MCCC2: variants seen among roughly 807,000 people sequenced by gnomAD.
The protein encoded by MCCC2 is methylcrotonyl-CoA carboxylase subunit 2.
Under a neutral mutation model 77.2 loss-of-function variants are expected in MCCC2, and 52 were observed. The ratio of observed to expected loss-of-function variants is 0.67; its 90% CI spans 0.54 to 0.85. The LOEUF (loss-of-function observed/expected upper bound fraction) is 0.85. Ranked by LOEUF, MCCC2 falls within the 40% of genes least tolerant of loss-of-function variation. The pLI, the probability that MCCC2 is intolerant of heterozygous loss-of-function variation, is 0.00. For synonymous variants in MCCC2, 253 were observed against 248.4 expected, an observed-to-expected ratio of 1.02 and a Z score of -0.18; for missense variants, 682 against 703.2, an observed-to-expected ratio of 0.97 and a Z score of 0.34.
At chr5:71,650,867 T>G (rs1227101005) in intron 15 of MCCC2, among the ~76,000 whole-genome samples, 1 of 152,182 alleles carries the variant, frequency 6.6e-6, no homozygotes, top group African/African-American at 2.4e-5. Flanking sequence ...GCCAGGATGG[T>G]CTCGATCTCC....
chr5:71,603,293 G>A (rs931673993), intron 5 of MCCC2, among the ~76,000 whole-genome samples: 3 of 151,812 alleles, frequency 2.0e-5, no homozygotes, highest in African/African-American at 7.3e-5. Context: ...GCAGGCAGCT[G>A]TAGTCCCAGC....
intron 6 of MCCC2, among the ~76,000 whole-genome samples, chr5:71,611,852 T>C (rs1745960543): frequency 2.0e-5 from 3 of 151,366 alleles, no homozygotes; most frequent in South Asian, 4.2e-4. Flanking sequence ...GCAGTGGTGC[T>C]ACCTCGGCTC....
intron 6 of MCCC2, among the ~76,000 whole-genome samples, chr5:71,605,515 C>T (rs893105805): frequency 2.1e-4 from 32 of 150,940 alleles, no homozygotes; most frequent in African/African-American, 7.8e-4. Context: ...AAATTTTCTC[C>T]CATTTTGTAG....
At chr5:71,611,272 A>G (rs1745932084) in intron 6 of MCCC2, among the ~76,000 whole-genome samples, 1 of 152,110 alleles carries the variant, frequency 6.6e-6, no homozygotes, top group Non-Finnish European at 1.5e-5. Flanking sequence ...GTGGTGTGGC[A>G]CATGCCTATG....
chr5:71,602,790 G>C (rs780758858), intron 5 of MCCC2, 157 bp downstream of exon 5: 117 of 1,101,478 alleles, frequency 1.1e-4, no homozygotes, highest in Admixed American at 1.6e-4. Context: ...TGAAAACTCT[G>C]GGGGAAAGTA....
chr5:71,628,499 A>G (rs1202705594), intron 7 of MCCC2, among the ~76,000 whole-genome samples: 2 of 152,040 alleles, frequency 1.3e-5, no homozygotes, highest in East Asian at 3.9e-4. Flanking sequence ...TTCTTCTGAG[A>G]GTCTTATAAT....
intron 6 of MCCC2, among the ~76,000 whole-genome samples, chr5:71,623,316 C>T (rs766666058): frequency 6.6e-6 from 1 of 152,298 alleles, no homozygotes. Flanking sequence ...GGGTCTCTCA[C>T]GTGGCTGCAG....
intron 6 of MCCC2, among the ~76,000 whole-genome samples, chr5:71,619,379 A>G (rs1228655830): frequency 1.3e-5 from 2 of 151,744 alleles, no homozygotes; most frequent in Non-Finnish European, 2.9e-5. Flanking sequence ...TCAGCCTCCC[A>G]AGTGGTTGGG....
At chr5:71,610,011 C>T (rs1745860787) in intron 6 of MCCC2, among the ~76,000 whole-genome samples, 1 of 152,222 alleles carries the variant, frequency 6.6e-6, no homozygotes, top group Non-Finnish European at 1.5e-5. Context: ...GAGGTTACTG[C>T]TGTCTTTTTG....
chr5:71,639,065 C>G (rs960483293), intron 10 of MCCC2, among the ~76,000 whole-genome samples: 1 of 152,180 alleles, frequency 6.6e-6, no homozygotes, highest in Non-Finnish European at 1.5e-5. Flanking sequence ...GCCACAAATA[C>G]GTATGCTGTC....
intron 3 of MCCC2, 37 bp downstream of exon 3, chr5:71,596,401 C>A: frequency 6.6e-7 from 1 of 1,518,916 alleles, no homozygotes; most frequent in South Asian, 1.1e-5. Flanking sequence ...AGAGTGTTCT[C>A]TGTTCCATAG....
At chr5:71,604,502 T>C (rs778513104) in intron 6 of MCCC2, 34 bp downstream of exon 6, 4 of 1,487,548 alleles carry the variant, frequency 2.7e-6, no homozygotes, top group Non-Finnish European at 3.8e-6. Context: ...ACAGTGGTGC[T>C]TTTTACTCTT....
At chr5:71,605,563 G>A (rs1375617563) in intron 6 of MCCC2, among the ~76,000 whole-genome samples, 1 of 149,864 alleles carries the variant, frequency 6.7e-6, no homozygotes, top group Non-Finnish European at 1.5e-5. Flanking sequence ...CTTTTGCTGT[G>A]CAGAAGCTCT....
chr5:71,626,506 T>C, intron 6 of MCCC2, 134 bp from the exon 7 acceptor site: 1 of 699,724 alleles, frequency 1.4e-6, no homozygotes, highest in Non-Finnish European at 2.5e-6. Flanking sequence ...AGGACTTTGT[T>C]TTTAAAATGA....
chr5:71,609,347 C>A (rs1303778320), intron 6 of MCCC2, among the ~76,000 whole-genome samples: 7 of 152,218 alleles, frequency 4.6e-5, no homozygotes, highest in African/African-American at 1.7e-4. Flanking sequence ...CCCTTTCTTA[C>A]AGTTGATCGC....
chr5:71,653,261 G>A (rs781275407), intron 16 of MCCC2, among the ~76,000 whole-genome samples: 4 of 152,110 alleles, frequency 2.6e-5, no homozygotes, highest in Non-Finnish European at 5.9e-5. Flanking sequence ...GTGTGTCGGC[G>A]CCAAATAATT....
intron 7 of MCCC2, among the ~76,000 whole-genome samples, chr5:71,628,675 T>C (rs1337011418): frequency 6.6e-6 from 1 of 152,218 alleles, no homozygotes; most frequent in African/African-American, 2.4e-5. Flanking sequence ...AAAAAAACTT[T>C]TACTTATTTT....
At chr5:71,619,679 G>A (rs778817169) in intron 6 of MCCC2, among the ~76,000 whole-genome samples, 6 of 152,032 alleles carry the variant, frequency 3.9e-5, no homozygotes, top group Non-Finnish European at 5.9e-5. Context: ...GATTACAGGC[G>A]TGTGCTACCC....
At chr5:71,652,279 A>G (rs887619928) in intron 15 of MCCC2, among the ~76,000 whole-genome samples, 2 of 152,216 alleles carry the variant, frequency 1.3e-5, no homozygotes, top group Admixed American at 1.3e-4. Flanking sequence ...TTTAAGCTTA[A>G]GTTTTAAATT....
Sources: allele counts gnomAD v4.1 joint callset (sites outside exome capture counted in the v4.1 genomes callset), GRCh38; gene constraint gnomAD v4.1.1; transcripts MANE v1.5; gene names NCBI Gene and HGNC (gene_info 2026-07-23, HGNC 2026-07-21).